Variants in STK39 observed in about 807,000 individuals in gnomAD.
The protein encoded by STK39 is STE20/SPS1-related proline-alanine-rich protein kinase.
Under a neutral mutation model 77.8 loss-of-function variants are expected in STK39, and 20 were observed. The ratio of observed to expected loss-of-function variants is 0.26; its 90% CI spans 0.18 to 0.37. The LOEUF is 0.37. Ranked by LOEUF, STK39 falls within the 10% of genes least tolerant of loss-of-function variation. STK39 has a pLI of 1.00. For synonymous variants in STK39, 246 were observed against 234.1 expected (o/e 1.05, Z -0.47); for missense variants, 479 against 656.5 (o/e 0.73, Z 2.95).
intron 10 of STK39, 148 bp from the exon 11 acceptor site, chr2:168,075,379 A>G (rs1686053589): frequency 8.8e-7 from 1 of 1,130,164 alleles, no homozygotes; most frequent in African/African-American, 1.6e-5. Context: ...TTAAGATCCA[A>G]AAAGACTACA....
intron 14 of STK39, among the ~76,000 whole-genome samples, chr2:168,018,150 A>C (rs1684462264): frequency 6.6e-6 from 1 of 152,190 alleles, no homozygotes; most frequent in African/African-American, 2.4e-5. Flanking sequence ...AAGAACACTA[A>C]AATATTATAA....
chr2:168,002,637 G>A (rs1684030059), intron 16 of STK39, among the ~76,000 whole-genome samples: 1 of 152,180 alleles, frequency 6.6e-6, no homozygotes, highest in African/African-American at 2.4e-5. Context: ...TTGGCGCAGA[G>A]GAGTATGGGC....
At chr2:168,161,491 A>T (rs887590232) in intron 5 of STK39, among the ~76,000 whole-genome samples, 13 of 152,246 alleles carry the variant, frequency 8.5e-5, no homozygotes, top group Admixed American at 8.5e-4. Flanking sequence ...CATTTCTTGA[A>T]GTTATATGAG....
At chr2:168,179,688 A>C (rs888699556) in intron 2 of STK39, among the ~76,000 whole-genome samples, 2 of 152,236 alleles carry the variant, frequency 1.3e-5, no homozygotes, top group Non-Finnish European at 2.9e-5. Flanking sequence ...AAGCCACAAA[A>C]GCACCAGTCC....
At chr2:168,007,811 C>T (rs1169853744) in intron 16 of STK39, among the ~76,000 whole-genome samples, 1 of 152,082 alleles carries the variant, frequency 6.6e-6, no homozygotes, top group Non-Finnish European at 1.5e-5. Flanking sequence ...GACTGGAAGC[C>T]ATGGTGATTG....
chr2:168,227,617 G>C (rs1442535549), intron 1 of STK39, among the ~76,000 whole-genome samples: 1 of 152,078 alleles, frequency 6.6e-6, no homozygotes, highest in Non-Finnish European at 1.5e-5. Context: ...CAGTAAGAAA[G>C]TTACTGACTC....
chr2:168,210,528 G>T (rs970324374), intron 1 of STK39, among the ~76,000 whole-genome samples: 2 of 152,060 alleles, frequency 1.3e-5, no homozygotes, highest in African/African-American at 4.8e-5. Flanking sequence ...TTGTTGTTTT[G>T]TTTTGTTTTG....
chr2:168,169,836 G>A (rs889403897), intron 2 of STK39, among the ~76,000 whole-genome samples: 2 of 152,158 alleles, frequency 1.3e-5, no homozygotes, highest in African/African-American at 4.8e-5. Context: ...AGCAGTATAA[G>A]GACAGGTAAA....
chr2:168,203,770 T>C (rs1174083857), intron 1 of STK39, among the ~76,000 whole-genome samples: 1 of 152,212 alleles, frequency 6.6e-6, no homozygotes, highest in African/African-American at 2.4e-5. Context: ...TTTTTTGTAT[T>C]TTTAGTAGAG....
intron 5 of STK39, among the ~76,000 whole-genome samples, chr2:168,159,144 T>C (rs139902699): frequency 2.1e-4 from 32 of 152,220 alleles, no homozygotes; most frequent in Admixed American, 9.8e-4. Flanking sequence ...ACAATAATAT[T>C]CTCAAGGTGG....
intron 10 of STK39, among the ~76,000 whole-genome samples, chr2:168,082,496 G>A (rs977502827): frequency 1.3e-5 from 2 of 152,084 alleles, no homozygotes; most frequent in African/African-American, 2.4e-5. Flanking sequence ...CTTCCCTGTG[G>A]CCATAACACT....
At chr2:168,182,156 T>G in intron 1 of STK39, 66 bp from the exon 2 acceptor site, 1 of 1,358,460 alleles carries the variant, frequency 7.4e-7, no homozygotes, top group Non-Finnish European at 1.0e-6. Flanking sequence ...TCTGTAACTA[T>G]TTTCCTAAAG....
At chr2:168,117,047 T>C (rs1447495946) in intron 10 of STK39, among the ~76,000 whole-genome samples, 2 of 152,190 alleles carry the variant, frequency 1.3e-5, no homozygotes, top group African/African-American at 4.8e-5. Context: ...AGGGACTACA[T>C]TTTTGTTGTC....
chr2:168,231,512 G>A (rs569475193), intron 1 of STK39, among the ~76,000 whole-genome samples: 1 of 151,712 alleles, frequency 6.6e-6, no homozygotes, highest in South Asian at 2.1e-4. Flanking sequence ...GGTTCCTCAA[G>A]GACAGCTGCC....
rs548212639 is a variant in STK39, at chr2:167,957,290, T to G, written c.1564-1720A>C. 5.3e-5 allele frequency among the ~76,000 whole-genome samples: 8 copies of G among 152,338 alleles called. 1 individual carries two copies. In the South Asian group the frequency reaches 1.7e-3, roughly 32 times the overall value. ...CTATCCAGTGATATCTCTGGTTTCA[T>G]CTGACAGATAAAGATGTTCAGAGAA... On this transcript the variant is annotated intron_variant, in intron 17 of 17. Transcript: ENST00000355999.
chr2:168,163,994 G>T, intron 3 of STK39, 114 bp from the exon 4 acceptor site: 1 of 1,394,716 alleles, frequency 7.2e-7, no homozygotes, highest in Non-Finnish European at 9.5e-7. Context: ...TTTATTTAAT[G>T]CAAATATTCC....
At chr2:167,981,976 C>T (rs1683431732) in intron 16 of STK39, among the ~76,000 whole-genome samples, 1 of 152,080 alleles carries the variant, frequency 6.6e-6, no homozygotes, top group Admixed American at 6.5e-5. Context: ...TATTCAGTGC[C>T]GACGTCCTTG....
chr2:168,120,678 A>T (rs915816115), intron 10 of STK39, among the ~76,000 whole-genome samples: 5 of 152,212 alleles, frequency 3.3e-5, no homozygotes. Flanking sequence ...TTATTAAAAA[A>T]TTTTGCTATA....
chr2:168,109,801 T>G (rs868075647), intron 10 of STK39, among the ~76,000 whole-genome samples: 3 of 152,240 alleles, frequency 2.0e-5, no homozygotes. Context: ...TACATTTTCT[T>G]AAATACTAAT....
Sources: allele counts gnomAD v4.1 joint callset (sites outside exome capture counted in the v4.1 genomes callset), GRCh38; gene constraint gnomAD v4.1.1; transcripts MANE v1.5; gene names NCBI Gene and HGNC (gene_info 2026-07-23, HGNC 2026-07-21).